The following FOXN3 variants were observed in gnomAD, a reference collection of about 807,000 sequenced individuals.
FOXN3 encodes the protein forkhead box protein N3.
Under a neutral mutation model 38.4 loss-of-function variants are expected in FOXN3, and 7 were observed. That is an observed-to-expected ratio of 0.18 (90% confidence interval 0.10 to 0.34). The LOEUF is 0.34. Among genes scored for constraint, FOXN3 ranks in the 10% least tolerant of loss-of-function variants. The probability of loss-of-function intolerance (pLI) is 1.00; values close to 1 mark genes in which losing one functional copy is unlikely to be tolerated. For missense variants in FOXN3, 456 were observed against 613.4 expected, an observed-to-expected ratio of 0.74 and a Z score of 2.71; for synonymous variants, 230 against 242.2, an observed-to-expected ratio of 0.95 and a Z score of 0.47.
chr14:89,280,686 G>A (rs1212423602), intron 4 of FOXN3, among the ~76,000 whole-genome samples: 1 of 152,072 alleles, frequency 6.6e-6, no homozygotes, highest in Non-Finnish European at 1.5e-5. Context: ...AACACTTCCA[G>A]AATATGAACA....
intron 1 of FOXN3, among the ~76,000 whole-genome samples, chr14:89,555,882 G>GGGGGGGGGGGGT (rs1895112250): frequency 3.8e-5 from 4 of 104,602 alleles, no homozygotes; most frequent in Non-Finnish European, 8.1e-5. Flanking sequence ...TGTGTATGTG[G>GGGGGGGGGGGGT]GGGTGTATGT....
intron 5 of FOXN3, 21 bp downstream of exon 5, chr14:89,180,680 C>A: frequency 6.4e-7 from 1 of 1,570,364 alleles, no homozygotes; most frequent in Non-Finnish European, 8.7e-7. Context: ...GCTGGCTCTG[C>A]CCAGCGCACT....
intron 4 of FOXN3, among the ~76,000 whole-genome samples, chr14:89,241,875 G>T (rs909176083): frequency 6.6e-6 from 1 of 152,160 alleles, no homozygotes; most frequent in African/African-American, 2.4e-5. Context: ...GCAATGGGGG[G>T]CCTCTTCCCC....
chr14:89,355,667 C>T (rs1429847299), intron 2 of FOXN3, among the ~76,000 whole-genome samples: 1 of 152,214 alleles, frequency 6.6e-6, no homozygotes, highest in Admixed American at 6.5e-5. Context: ...ATAGAATGGA[C>T]TACCATATAT....
At chr14:89,203,814 C>T (rs1888299534) in intron 4 of FOXN3, among the ~76,000 whole-genome samples, 1 of 152,100 alleles carries the variant, frequency 6.6e-6, no homozygotes, top group Non-Finnish European at 1.5e-5. Context: ...TGACGGTCCT[C>T]ATCCACCCAG....
intron 1 of FOXN3, among the ~76,000 whole-genome samples, chr14:89,453,661 T>C (rs117543701): frequency 0.044 from 6,524 of 147,072 alleles, 216 homozygotes; most frequent in Middle Eastern, 0.083. Flanking sequence ...AAAACAAAAA[T>C]ACTTGACCAC....
intron 1 of FOXN3, among the ~76,000 whole-genome samples, chr14:89,569,141 C>T (rs1455064331): frequency 6.6e-6 from 1 of 152,130 alleles, no homozygotes; most frequent in African/African-American, 2.4e-5. Context: ...GGAGGTGGAG[C>T]TTGCAGTGAG....
intron 1 of FOXN3, among the ~76,000 whole-genome samples, chr14:89,588,821 G>A (rs1168980672): frequency 6.6e-6 from 1 of 152,122 alleles, no homozygotes; most frequent in Admixed American, 6.5e-5. Flanking sequence ...GATACCCAGG[G>A]GCAAAGCCAA....
At chr14:89,184,277 G>A in intron 4 of FOXN3, 1 of 152,396 alleles carries the variant, frequency 6.6e-6, no homozygotes, top group Admixed American at 6.5e-5. Flanking sequence ...CGTAAAGTTG[G>A]ACAAAGATGA....
intron 2 of FOXN3, among the ~76,000 whole-genome samples, chr14:89,370,605 A>C (rs1385150037): frequency 6.6e-6 from 1 of 152,264 alleles, no homozygotes; most frequent in African/African-American, 2.4e-5. Context: ...CAGGTTCTTC[A>C]AAGTGTGTGC....
At chr14:89,334,180 T>C (rs1454962026) in intron 3 of FOXN3, among the ~76,000 whole-genome samples, 3 of 151,800 alleles carry the variant, frequency 2.0e-5, no homozygotes, top group Non-Finnish European at 2.9e-5. Context: ...ATCTCACTTA[T>C]ATATGGAATT....
chr14:89,218,532 C>G (rs1237618754), intron 4 of FOXN3, among the ~76,000 whole-genome samples: 5 of 152,216 alleles, frequency 3.3e-5, no homozygotes, highest in Non-Finnish European at 5.9e-5. Context: ...TGAAGACAAA[C>G]GTATACATTG....
chr14:89,367,067 G>T (rs1350529747), intron 2 of FOXN3, among the ~76,000 whole-genome samples: 1 of 152,170 alleles, frequency 6.6e-6, no homozygotes, highest in South Asian at 2.1e-4. Flanking sequence ...AAATAATCAT[G>T]AGCCCTTCTC....
At position 89,417,152 on chromosome 14, in the gene FOXN3, C is replaced by T. The variant is rs1891765749; in HGVS notation, c.-296G>A. On this transcript the variant is annotated 5_prime_UTR_variant, in exon 1 of 6. Transcript: ENST00000557258. The stretch of plus-strand genomic sequence containing the variant: ...TCCCCGCCCCGTCCCGCCTCCCGCT[C>T]GCCTCCGCCGCGGCGCGTCGGGCCG... 6.9e-6 allele frequency: 1 copy of T among 144,806 alleles called. No homozygotes were observed. Among genetic ancestry groups the T allele is most frequent in the South Asian group, 2.1e-4 (1 of 4,766 alleles). 9.0% of individuals were successfully genotyped at this position (144,806 alleles called of 1,614,324 possible).
chr14:89,317,851 C>T (rs1232001294), intron 3 of FOXN3, among the ~76,000 whole-genome samples: 1 of 151,150 alleles, frequency 6.6e-6, no homozygotes, highest in Non-Finnish European at 1.5e-5. Context: ...CCATCAGCTG[C>T]AGCATTAGAT....
chr14:89,579,055 G>C (rs1895691746), intron 1 of FOXN3, among the ~76,000 whole-genome samples: 1 of 151,818 alleles, frequency 6.6e-6, no homozygotes, highest in African/African-American at 2.4e-5. Flanking sequence ...TCACTATGTT[G>C]CTGAGGCCAG....
intron 1 of FOXN3, among the ~76,000 whole-genome samples, chr14:89,425,062 C>CTTTTCTT (rs1314626242): frequency 1.9e-5 from 2 of 104,220 alleles, no homozygotes; most frequent in Non-Finnish European, 3.6e-5. Flanking sequence ...GTTTTCTTTT[C>CTTTTCTT]TTTTTTTTTT....
chr14:89,201,370 A>C (rs1888230136), intron 4 of FOXN3, among the ~76,000 whole-genome samples: 1 of 152,210 alleles, frequency 6.6e-6, no homozygotes, highest in African/African-American at 2.4e-5. Flanking sequence ...AGAGTCTGGC[A>C]TTCTTTGCTT....
intron 1 of FOXN3, among the ~76,000 whole-genome samples, chr14:89,520,357 A>T (rs1178049902): frequency 1.3e-5 from 2 of 152,162 alleles, no homozygotes; most frequent in Non-Finnish European, 2.9e-5. Context: ...TTTAAAAAAG[A>T]TTTTTCACTA....
Sources: gnomAD v4.1 joint callset for allele counts (sites outside exome capture counted in the v4.1 genomes callset) on GRCh38, gnomAD v4.1.1 for gene constraint, MANE v1.5 for transcripts, NCBI Gene and HGNC (gene_info 2026-07-23, HGNC 2026-07-21) for gene names.